Variants in MTHFS observed in about 807,000 individuals in gnomAD.
The protein encoded by MTHFS is 5-formyltetrahydrofolate cyclo-ligase.
In MTHFS, 7 loss-of-function variants were observed where a neutral mutation model predicts 12.7. The observed-to-expected ratio is 0.55, with a 90% CI of 0.31 to 1.03. MTHFS has a LOEUF of 1.03. Among genes scored for constraint, MTHFS ranks in the 50% least tolerant of loss-of-function variants. The pLI, the probability that MTHFS is intolerant of heterozygous loss-of-function variation, is 0.05. For missense variants in MTHFS, 252 were observed against 258.1 expected, an observed-to-expected ratio of 0.98 and a Z score of 0.16; for synonymous variants, 100 against 97.1, an observed-to-expected ratio of 1.03 and a Z score of -0.18.
At chr15:79,892,441 G>C (rs1436252587) in intron 1 of MTHFS, among the ~76,000 whole-genome samples, 4 of 152,210 alleles carry the variant, frequency 2.6e-5, no homozygotes, top group Non-Finnish European at 4.4e-5. Flanking sequence ...AAGGCAATCA[G>C]AAGCTCCTGG....
At chr15:79,883,454 A>C (rs1457744572) in intron 2 of MTHFS, among the ~76,000 whole-genome samples, 2 of 151,962 alleles carry the variant, frequency 1.3e-5, no homozygotes, top group African/African-American at 2.4e-5. Context: ...ATTTAGAAGA[A>C]GGTTTCTGCT....
At chr15:79,867,939 G>C (rs968417559) in intron 2 of MTHFS, among the ~76,000 whole-genome samples, 2 of 152,176 alleles carry the variant, frequency 1.3e-5, no homozygotes, top group African/African-American at 4.8e-5. Context: ...GAGAGAGAGA[G>C]CACGAGCGAG....
chr15:79,870,730 CTCTATA>C (rs377318826), intron 2 of MTHFS, among the ~76,000 whole-genome samples: 113 of 152,272 alleles, frequency 7.4e-4, no homozygotes, highest in African/African-American at 2.7e-3. Context: ...CTTCTCTATA[CTCTATA>C]ATATAGTAAG....
At chr15:79,851,258 G>T (rs935770942) in intron 2 of MTHFS, among the ~76,000 whole-genome samples, 4 of 152,122 alleles carry the variant, frequency 2.6e-5, no homozygotes, top group African/African-American at 9.7e-5. Flanking sequence ...TATACTGTAA[G>T]AATGCCTGTG....
At chr15:79,889,484 AC>A in intron 1 of MTHFS, 130 bp from the exon 2 acceptor site, 1 of 1,342,098 alleles carries the variant, frequency 7.5e-7, no homozygotes, top group Non-Finnish European at 9.8e-7. Flanking sequence ...AGGGGGGGGG[AC>A]CAGAGTGATA....
At chr15:79,872,862 G>A (rs2034130526) in intron 2 of MTHFS, among the ~76,000 whole-genome samples, 1 of 152,092 alleles carries the variant, frequency 6.6e-6, no homozygotes, top group Non-Finnish European at 1.5e-5. Flanking sequence ...TCCTGTTTTG[G>A]TCAGCAGTGT....
Position 79,843,839 on chromosome 15 carries a change from A to G in MTHFS, c.*1371T>C, listed in dbSNP as rs922557588. 6.6e-6 allele frequency: 1 copy of G among 152,284 alleles called. No homozygotes were observed. Among genetic ancestry groups the G allele is most frequent in the Non-Finnish European group, 1.5e-5 (1 of 68,070 alleles). The allele number at this position is 152,284 out of a possible 1,614,324, so 9.4% of individuals were successfully genotyped here. A position where few individuals can be genotyped will look rare whatever the true frequency, so the allele number is the denominator to read the frequency against. ...CACATCAATGGCCAAGGCCACTCAG[A>G]CAAGGGAAGGAACACTCACTCTGCT... On this transcript the variant is annotated 3_prime_UTR_variant, in exon 3 of 3. Coordinates refer to ENST00000258874, the MANE Select transcript of MTHFS (RefSeq NM_006441.4).
rs1325568579 is a variant in MTHFS, at chr15:79,843,642, A to G, written c.*1568T>C. On this transcript the variant is annotated 3_prime_UTR_variant, in exon 3 of 3. Transcript: ENST00000258874. ...GAGTATTTTGAATGAAACACTTCCA[A>G]TGTATTCAATTATTTCATTAAAAAA... 1 of 152,220 alleles carries G rather than the reference A, an allele frequency of 6.6e-6. No homozygotes were observed. The highest frequency in any genetic ancestry group is 1.5e-5 in the Non-Finnish European group (1 of 68,038). 9.4% of individuals were successfully genotyped at this position (152,220 alleles called of 1,614,324 possible). A position where few individuals can be genotyped will look rare whatever the true frequency, so the allele number is the denominator to read the frequency against.
chr15:79,856,361 G>A (rs2033802353), intron 2 of MTHFS, among the ~76,000 whole-genome samples: 1 of 152,014 alleles, frequency 6.6e-6, no homozygotes, highest in Non-Finnish European at 1.5e-5. Context: ...TTTTTAATGT[G>A]TTTGTTTTCT....
At chr15:79,886,646 G>A (rs974135625) in intron 2 of MTHFS, among the ~76,000 whole-genome samples, 3 of 151,938 alleles carry the variant, frequency 2.0e-5, no homozygotes, top group Non-Finnish European at 4.4e-5. Context: ...TTAATATTCA[G>A]TATCTTTTCA....
intron 1 of MTHFS, 105 bp from the exon 2 acceptor site, chr15:79,889,459 T>TAAAAATAAAA: frequency 1.4e-6 from 1 of 740,610 alleles, no homozygotes; most frequent in Non-Finnish European, 1.9e-6. Context: ...CTTTAAATAT[T>TAAAAATAAAA]AAAAAGAAAA....
intron 2 of MTHFS, among the ~76,000 whole-genome samples, chr15:79,861,642 G>A (rs968172394): frequency 2.0e-5 from 3 of 152,166 alleles, no homozygotes; most frequent in African/African-American, 7.2e-5. Flanking sequence ...CTATCAGGAT[G>A]TTCTTTTTTA....
At chr15:79,862,328 T>A (rs1455087932) in intron 2 of MTHFS, among the ~76,000 whole-genome samples, 1 of 152,148 alleles carries the variant, frequency 6.6e-6, no homozygotes. Flanking sequence ...CTTCAAAGGG[T>A]ACATGAGAGA....
intron 1 of MTHFS, among the ~76,000 whole-genome samples, chr15:79,891,126 G>C (rs1434385116): frequency 6.6e-6 from 1 of 152,174 alleles, no homozygotes; most frequent in African/African-American, 2.4e-5. Flanking sequence ...ACAAAGAGTG[G>C]ATGGGACAGT....
intron 2 of MTHFS, among the ~76,000 whole-genome samples, chr15:79,850,331 C>T (rs1363785252): frequency 1.3e-5 from 2 of 151,686 alleles, no homozygotes; most frequent in Non-Finnish European, 2.9e-5. Context: ...TCAGCAGAGC[C>T]AAAAAAAGAG....
At chr15:79,896,745 G>T in intron 1 of MTHFS, 127 bp downstream of exon 1, 4 of 1,229,024 alleles carry the variant, frequency 3.3e-6, no homozygotes, top group East Asian at 3.3e-5. Flanking sequence ...GGAAACGTGC[G>T]CGCGCCGGGG....
chr15:79,846,769 G>T (rs2033622565), intron 2 of MTHFS, among the ~76,000 whole-genome samples: 1 of 152,172 alleles, frequency 6.6e-6, no homozygotes, highest in Non-Finnish European at 1.5e-5. Context: ...GATTGACAGT[G>T]GACTGTGAAT....
At chr15:79,856,776 C>T (rs1026552751) in intron 2 of MTHFS, among the ~76,000 whole-genome samples, 1 of 150,402 alleles carries the variant, frequency 6.6e-6, no homozygotes, top group African/African-American at 2.5e-5. Context: ...CTTACCACAA[C>T]AAAAAAAGAA....
chr15:79,890,266 GGA>G (rs2034452802), intron 1 of MTHFS, among the ~76,000 whole-genome samples: 1 of 138,848 alleles, frequency 7.2e-6, no homozygotes, highest in East Asian at 2.2e-4. Flanking sequence ...TGCCCAGGCT[GGA>G]GTGCAGTGGT....
Sources: allele counts gnomAD v4.1 joint callset (sites outside exome capture counted in the v4.1 genomes callset), GRCh38; gene constraint gnomAD v4.1.1; transcripts MANE v1.5; gene names NCBI Gene and HGNC (gene_info 2026-07-23, HGNC 2026-07-21).